DCC: variants seen among roughly 807,000 people sequenced by gnomAD.
DCC encodes DCC netrin 1 receptor.
In DCC, 58 loss-of-function variants were observed where a neutral mutation model predicts 172.5. The ratio of observed to expected loss-of-function variants is 0.34; its 90% CI spans 0.27 to 0.42. DCC has a LOEUF of 0.42. DCC is among the 10% of genes least tolerant of loss of function. The pLI is 1.00. For missense variants in DCC, 1,740 were observed against 1,791.0 expected, an observed-to-expected ratio of 0.97 and a Z score of 0.51; for synonymous variants, 709 against 644.5, an observed-to-expected ratio of 1.10 and a Z score of -1.52.
intron 1 of DCC, among the ~76,000 whole-genome samples, chr18:52,514,944 G>A (rs528563760): frequency 1.3e-5 from 2 of 152,254 alleles, no homozygotes; most frequent in East Asian, 3.9e-4. Flanking sequence ...GAAAAGGAGA[G>A]AATATTCCCC....
chr18:52,914,456 T>C (rs114785225), intron 3 of DCC, among the ~76,000 whole-genome samples: 1,590 of 152,264 alleles, frequency 0.01, 31 homozygotes, highest in African/African-American at 0.037. Flanking sequence ...TAGTACTGAA[T>C]TGGTGTAAAT....
At chr18:53,044,786 G>T (rs1211636416) in intron 5 of DCC, among the ~76,000 whole-genome samples, 1 of 151,678 alleles carries the variant, frequency 6.6e-6, no homozygotes, top group Non-Finnish European at 1.5e-5. Flanking sequence ...ATTTGTACCA[G>T]CTTTAAAAAT....
chr18:52,359,419 G>A (rs2144265560), intron 1 of DCC, among the ~76,000 whole-genome samples: 1 of 152,272 alleles, frequency 6.6e-6, no homozygotes, highest in East Asian at 1.9e-4. Context: ...TCAAAGACTC[G>A]ATTTCTCAGG....
intron 25 of DCC, among the ~76,000 whole-genome samples, chr18:53,470,998 T>A (rs1324044890): frequency 6.6e-6 from 1 of 152,186 alleles, no homozygotes; most frequent in Non-Finnish European, 1.5e-5. Flanking sequence ...ATTCAGTCTT[T>A]TACCAAATTA....
chr18:52,637,657 G>A (rs778158770), intron 1 of DCC, among the ~76,000 whole-genome samples: 8 of 152,314 alleles, frequency 5.3e-5, no homozygotes, highest in South Asian at 2.1e-4. Context: ...CCTCCAAGAC[G>A]TCTGGGATTA....
chr18:53,022,539 A>G (rs112518962), intron 5 of DCC, among the ~76,000 whole-genome samples: 67 of 117,720 alleles, frequency 5.7e-4, no homozygotes, highest in African/African-American at 1.6e-3. Flanking sequence ...TTATATATAT[A>G]TGTGCGTGTG....
chr18:52,699,334 C>G (rs541937888), intron 1 of DCC, among the ~76,000 whole-genome samples: 1 of 152,068 alleles, frequency 6.6e-6, no homozygotes, highest in Non-Finnish European at 1.5e-5. Flanking sequence ...TGGTCTCATG[C>G]TAGGAGCTCA....
intron 1 of DCC, among the ~76,000 whole-genome samples, chr18:52,644,988 A>C (rs963881114): frequency 6.6e-6 from 1 of 152,174 alleles, no homozygotes; most frequent in African/African-American, 2.4e-5. Context: ...ATACTGGTTT[A>C]TCTCTTCTAT....
intron 1 of DCC, among the ~76,000 whole-genome samples, chr18:52,421,193 C>T (rs905945316): frequency 6.6e-6 from 1 of 152,034 alleles, no homozygotes; most frequent in Non-Finnish European, 1.5e-5. Context: ...AATTTAAATG[C>T]TAATGCAAAT....
intron 12 of DCC, among the ~76,000 whole-genome samples, chr18:53,259,754 G>T (rs1598957346): frequency 6.6e-6 from 1 of 152,016 alleles, no homozygotes; most frequent in South Asian, 2.1e-4. Context: ...TTGAATATTG[G>T]CCTGCCTTGG....
chr18:53,290,112 C>T (rs2056984007), intron 12 of DCC, among the ~76,000 whole-genome samples: 1 of 152,162 alleles, frequency 6.6e-6, no homozygotes, highest in African/African-American at 2.4e-5. Context: ...GTCACCTGAA[C>T]ATTTATGGTT....
Position 52,444,956 on chromosome 18 carries a change from A to ATGAGGTC in DCC, c.91+104081_91+104087dup, listed in dbSNP as rs1272989397. Among the ~76,000 whole-genome samples, 5 of 152,300 alleles carry ATGAGGTC rather than the reference A, an allele frequency of 3.3e-5. No individual in the cohort carries two copies. The East Asian group carries it at 9.6e-4, about 29-fold the overall frequency. On this transcript the variant is annotated intron_variant, in intron 1 of 28. Coordinates refer to ENST00000442544, the MANE Select transcript of DCC (RefSeq NM_005215.4). ...TATAATTCAAAAATCATGTGTCTCA[A>ATGAGGTC]TGAGGTCTGTGGTTATTTTCTATGT...
At chr18:52,579,968 A>G (rs1234494633) in intron 1 of DCC, among the ~76,000 whole-genome samples, 1 of 152,222 alleles carries the variant, frequency 6.6e-6, no homozygotes, top group Admixed American at 6.5e-5. Flanking sequence ...AGGAAAGAAG[A>G]ATGAATTAAT....
intron 7 of DCC, among the ~76,000 whole-genome samples, chr18:53,089,226 C>A (rs1418736221): frequency 1.3e-5 from 2 of 152,090 alleles, no homozygotes; most frequent in African/African-American, 2.4e-5. Context: ...GCTGGGATTA[C>A]AGGTGCCTGC....
intron 1 of DCC, among the ~76,000 whole-genome samples, chr18:52,366,255 G>A (rs993945105): frequency 2.0e-5 from 3 of 152,060 alleles, no homozygotes; most frequent in South Asian, 2.1e-4. Flanking sequence ...ACGGACCCTC[G>A]CGGTGAGTGT....
chr18:52,842,178 C>G lies in DCC; in HGVS notation c.413-63866C>G, dbSNP rs187886905. Among the ~76,000 whole-genome samples, 223 of 152,146 alleles carry G rather than the reference C, an allele frequency of 1.5e-3. 1 individual carries two copies. Among genetic ancestry groups the G allele is most frequent in the South Asian group, 5.0e-3 (24 of 4,824 alleles). ...CATTGCTTCCTTTCAAACATAATTTCTTGTTTTTCCTTTAGTCATGAGTTT... is the reference window on the plus strand; with the variant it reads ...CATTGCTTCCTTTCAAACATAATTTGTTGTTTTTCCTTTAGTCATGAGTTT... On this transcript the variant is annotated intron_variant, in intron 2 of 28. Coordinates refer to ENST00000442544, the MANE Select transcript of DCC (RefSeq NM_005215.4).
intron 25 of DCC, among the ~76,000 whole-genome samples, chr18:53,473,008 T>C (rs2045717120): frequency 6.6e-6 from 1 of 152,238 alleles, no homozygotes; most frequent in Non-Finnish European, 1.5e-5. Flanking sequence ...TCCCTTTACA[T>C]ATTTCTTTCC....
At chr18:52,822,622 C>A (rs1378167217) in intron 2 of DCC, among the ~76,000 whole-genome samples, 1 of 152,186 alleles carries the variant, frequency 6.6e-6, no homozygotes, top group East Asian at 1.9e-4. Flanking sequence ...AAGCTGCTAC[C>A]AGCCACATTC....
At chr18:53,469,259 G>A (rs2045665930) in intron 25 of DCC, among the ~76,000 whole-genome samples, 1 of 151,952 alleles carries the variant, frequency 6.6e-6, no homozygotes, top group Non-Finnish European at 1.5e-5. Flanking sequence ...GGTAAAATAA[G>A]CAGCTCCCCA....
Sources: allele counts gnomAD v4.1 joint callset (sites outside exome capture counted in the v4.1 genomes callset), GRCh38; gene constraint gnomAD v4.1.1; transcripts MANE v1.5; gene names NCBI Gene and HGNC (gene_info 2026-07-23, HGNC 2026-07-21).